CAMK1D: variants seen among roughly 807,000 people sequenced by gnomAD.
CAMK1D encodes calcium/calmodulin-dependent protein kinase type 1D.
CAMK1D carries 9 observed loss-of-function variants against 47.7 expected under a neutral mutation model. The observed-to-expected ratio is 0.19, with a 90% CI of 0.11 to 0.33. The LOEUF is 0.33. Ranked by LOEUF, CAMK1D falls within the 10% of genes least tolerant of loss-of-function variation. The pLI, the probability that CAMK1D is intolerant of heterozygous loss-of-function variation, is 1.00. For synonymous variants in CAMK1D, 184 were observed against 184.9 expected, an observed-to-expected ratio of 0.99 and a Z score of 0.04; for missense variants, 291 against 488.7, an observed-to-expected ratio of 0.60 and a Z score of 3.81.
chr10:12,768,409 C>T (rs1836880352), intron 4 of CAMK1D, among the ~76,000 whole-genome samples: 1 of 152,196 alleles, frequency 6.6e-6, no homozygotes, highest in Non-Finnish European at 1.5e-5. Context: ...ACCCAAGGTT[C>T]ACCACAAACC....
At chr10:12,497,213 T>C (rs891840727) in intron 1 of CAMK1D, among the ~76,000 whole-genome samples, 19 of 152,178 alleles carry the variant, frequency 1.2e-4, no homozygotes, top group African/African-American at 4.6e-4. Context: ...GCGTGGTGGC[T>C]CATGCCTGTA....
chr10:12,661,581 A>G (rs1302458025), intron 2 of CAMK1D, among the ~76,000 whole-genome samples: 1 of 152,248 alleles, frequency 6.6e-6, no homozygotes. Context: ...TGGTACAATA[A>G]AACAGCAATG....
intron 1 of CAMK1D, among the ~76,000 whole-genome samples, chr10:12,526,305 C>T (rs1032494937): frequency 6.6e-5 from 10 of 152,182 alleles, no homozygotes; most frequent in African/African-American, 2.4e-4. Context: ...TAGTATGGGA[C>T]TTACGTGGTT....
intron 2 of CAMK1D, among the ~76,000 whole-genome samples, chr10:12,559,820 C>T (rs530920790): frequency 1.9e-4 from 29 of 152,174 alleles, no homozygotes; most frequent in East Asian, 1.7e-3. Flanking sequence ...CGAGTCAGCA[C>T]GCTGCAGTGC....
intron 2 of CAMK1D, among the ~76,000 whole-genome samples, chr10:12,634,719 A>G (rs995756320): frequency 6.6e-5 from 10 of 151,932 alleles, no homozygotes; most frequent in African/African-American, 2.2e-4. Flanking sequence ...GTGTTTCACA[A>G]CCTTGTAGCT....
chr10:12,721,511 A>ACCATCCATCCAT (rs62870361), intron 3 of CAMK1D, among the ~76,000 whole-genome samples: 53 of 150,764 alleles, frequency 3.5e-4, no homozygotes, highest in African/African-American at 1.1e-3. Context: ...GCTACCATCC[A>ACCATCCATCCAT]CCATCCATCC....
chr10:12,397,047 A>C (rs1187854547), intron 1 of CAMK1D, among the ~76,000 whole-genome samples: 1 of 152,172 alleles, frequency 6.6e-6, no homozygotes, highest in African/African-American at 2.4e-5. Context: ...ATTTTAATTA[A>C]TCTTTCAAAG....
chr10:12,804,880 G>A (rs1217973493), intron 6 of CAMK1D, among the ~76,000 whole-genome samples: 2 of 132,570 alleles, frequency 1.5e-5, no homozygotes, highest in African/African-American at 5.6e-5. Flanking sequence ...CAAGGCTGCA[G>A]TGAGCTATGA....
chr10:12,427,108 C>T (rs1320008871), intron 1 of CAMK1D, among the ~76,000 whole-genome samples: 5 of 152,200 alleles, frequency 3.3e-5, no homozygotes, highest in African/African-American at 9.6e-5. Context: ...CCTTGGCCTC[C>T]CAAAGTCCTG....
At chr10:12,477,907 A>T (rs529987901) in intron 1 of CAMK1D, among the ~76,000 whole-genome samples, 4 of 152,070 alleles carry the variant, frequency 2.6e-5, no homozygotes, top group Non-Finnish European at 5.9e-5. Context: ...AGTCTTGTAG[A>T]TGGGATTCTT....
chr10:12,750,269 C>G (rs1229957744), intron 3 of CAMK1D, among the ~76,000 whole-genome samples: 20 of 152,218 alleles, frequency 1.3e-4, no homozygotes, highest in Admixed American at 1.2e-3. Context: ...CCAGTTGTCC[C>G]CACCCGGGGG....
At chr10:12,557,551 C>CAAAAAAAAA (rs5783273) in intron 2 of CAMK1D, among the ~76,000 whole-genome samples, 3 of 84,472 alleles carry the variant, frequency 3.6e-5, no homozygotes, top group African/African-American at 8.2e-5. Context: ...GACTCCATCT[C>CAAAAAAAAA]AAAAAAAAAA....
intron 2 of CAMK1D, among the ~76,000 whole-genome samples, chr10:12,593,831 C>G (rs1462647590): frequency 6.6e-6 from 1 of 152,172 alleles, no homozygotes; most frequent in Non-Finnish European, 1.5e-5. Flanking sequence ...TAATGTCTGC[C>G]CTTGGTCAGG....
intron 7 of CAMK1D, among the ~76,000 whole-genome samples, chr10:12,815,128 C>T (rs1588960552): frequency 6.6e-6 from 1 of 152,320 alleles, no homozygotes; most frequent in East Asian, 1.9e-4. Flanking sequence ...TGACCAAAAT[C>T]ATACAACTAG....
intron 3 of CAMK1D, among the ~76,000 whole-genome samples, chr10:12,667,731 G>T (rs1012279819): frequency 1.3e-5 from 2 of 152,182 alleles, no homozygotes; most frequent in Non-Finnish European, 2.9e-5. Flanking sequence ...ATTGTTGAGG[G>T]TATGGAGAAT....
chr10:12,440,724 C>T (rs1173050575), intron 1 of CAMK1D, among the ~76,000 whole-genome samples: 5 of 152,166 alleles, frequency 3.3e-5, no homozygotes, highest in Admixed American at 6.5e-5. Flanking sequence ...GTGCAGTGCT[C>T]AGGCCTTGGG....
At chr10:12,657,316 T>C (rs1840145733) in intron 2 of CAMK1D, among the ~76,000 whole-genome samples, 1 of 152,016 alleles carries the variant, frequency 6.6e-6, no homozygotes, top group Admixed American at 6.6e-5. Flanking sequence ...TTCCAGCTAC[T>C]CGGGAGGCTG....
chr10:12,480,693 T>C (rs1256426597), intron 1 of CAMK1D, among the ~76,000 whole-genome samples: 2 of 152,164 alleles, frequency 1.3e-5, no homozygotes, highest in African/African-American at 4.8e-5. Flanking sequence ...CAAGGCCGTG[T>C]AGGTGATGAG....
At chr10:12,620,218 A>AAT (rs1838957620) in intron 2 of CAMK1D, among the ~76,000 whole-genome samples, 1 of 127,016 alleles carries the variant, frequency 7.9e-6, no homozygotes, top group African/African-American at 3.0e-5. Context: ...AAAAAAAAAA[A>AAT]TAAAGCTGCT....
Sources: gnomAD v4.1 joint callset for allele counts (sites outside exome capture counted in the v4.1 genomes callset) on GRCh38, gnomAD v4.1.1 for gene constraint, MANE v1.5 for transcripts, NCBI Gene and HGNC (gene_info 2026-07-23, HGNC 2026-07-21) for gene names.